DMD: variants seen among roughly 807,000 people sequenced by gnomAD.
DMD encodes mutant dystrophin.
In DMD, 63 loss-of-function variants were observed where a neutral mutation model predicts 330.1. That is an observed-to-expected ratio of 0.19 (90% CI 0.16 to 0.24). The LOEUF is 0.24. Among genes scored for constraint, DMD ranks in the 10% least tolerant of loss-of-function variants. The pLI is 1.00. For synonymous variants in DMD, 1,223 were observed against 959.8 expected (o/e 1.27, Z -5.07); for missense variants, 3,344 against 2,684.1 (o/e 1.25, Z -5.43).
chrX:32,287,590 C>A lies in DMD; in HGVS notation c.6229G>T (p.Ala2077Ser), dbSNP rs769860404. ...TPVERVKLQE[A>S]LSQLDFQWEK... Reference sequence around the variant, plus strand: ...CATTGGAAATCAAGCTGGGAGAGAGCTTCCTGTAGCTTCACCCTTTCCACA... The same window carrying A: ...CATTGGAAATCAAGCTGGGAGAGAGATTCCTGTAGCTTCACCCTTTCCACA... Residue 2077 changes from alanine to serine, a missense_variant, in exon 43 of 79, where the codon GCT (alanine) becomes TCT (serine). By Grantham distance (99) the Ala-to-Ser change is moderately conservative. Transcript: ENST00000357033. 1.7e-6 allele frequency: 2 copies of A among 1,208,708 alleles called. No individual in the cohort carries two copies. The highest frequency in any genetic ancestry group is 2.2e-6 in the Non-Finnish European group (2 of 894,511).
intron 64 of DMD, among the ~76,000 whole-genome samples, chrX:31,220,590 A>T (rs2045903257): frequency 9.0e-6 from 1 of 111,077 alleles, no homozygotes; most frequent in Admixed American, 9.6e-5. Context: ...TGTCCTAAAT[A>T]ACTTCCCTTC....
At chrX:31,876,897 A>G (rs1327440259) in intron 47 of DMD, among the ~76,000 whole-genome samples, 1 of 111,083 alleles carries the variant, frequency 9.0e-6, no homozygotes, top group Non-Finnish European at 1.9e-5. Context: ...TATGAATAAA[A>G]TTTTATAATA....
rs1431223068 is a variant in DMD at position 32,463,451 on chromosome X, G to T, written c.3420C>A (p.His1140Gln). 8.3e-7 allele frequency: 1 copy of T among 1,206,057 alleles called. No individual in the cohort carries two copies. The highest frequency in any genetic ancestry group is 1.1e-6 in the Non-Finnish European group (1 of 893,272). ...ELKELNTQWD[H>Q]MCQQVYARKE... The stretch of plus-strand genomic sequence containing the variant: ...AGATTGTCTATACCTGTTGGCACAT[G>T]TGATCCCACTGAGTGTTAAGTTCTT... The change falls in exon 25 of 79, where the codon CAC becomes CAA. Residue 1140 changes from histidine (H) to glutamine (Q), a missense_variant. Coordinates refer to ENST00000357033, the MANE Select transcript of DMD (RefSeq NM_004006.3).
At chrX:32,122,987 A>G (rs2096643484) in intron 44 of DMD, among the ~76,000 whole-genome samples, 1 of 107,792 alleles carries the variant, frequency 9.3e-6, no homozygotes, top group African/African-American at 3.4e-5. Context: ...AACAAATGAC[A>G]CCTACATGGA....
At chrX:32,682,508 T>A (rs1180883570) in intron 9 of DMD, among the ~76,000 whole-genome samples, 1 of 111,731 alleles carries the variant, frequency 9.0e-6, no homozygotes, top group Non-Finnish European at 1.9e-5. Flanking sequence ...AGTATTCAAA[T>A]ATCACATATT....
chrX:32,837,782 TG>T lies in DMD; in HGVS notation c.264+7000del, dbSNP rs757096655. ...CTTTTGCCCTATGAAAGACACCATG[TG>T]GATCTACTGAGCTCTGGCCATTCCA... On this transcript the variant is annotated intron_variant, in intron 4 of 78. Transcript: ENST00000357033. Among the ~76,000 whole-genome samples, 21 of 112,231 alleles carry T rather than the reference TG, an allele frequency of 1.9e-4. 1 individual carries two copies. The highest frequency in any genetic ancestry group is 4.7e-3 in the Middle Eastern group (1 of 215).
intron 1 of DMD, among the ~76,000 whole-genome samples, chrX:33,283,178 C>T (rs975029223): frequency 1.8e-5 from 2 of 112,219 alleles, no homozygotes; most frequent in South Asian, 3.6e-4. Flanking sequence ...TACCATGCTG[C>T]GTGTAGAGTA....
intron 55 of DMD, among the ~76,000 whole-genome samples, chrX:31,569,647 T>C (rs757051606): frequency 1.0e-3 from 92 of 89,303 alleles, no homozygotes; most frequent in East Asian, 4.1e-3. Context: ...TATATGTATA[T>C]ACGTATATAT....
chrX:33,018,278 C>A (rs1353391236), intron 2 of DMD, among the ~76,000 whole-genome samples: 1 of 111,394 alleles, frequency 9.0e-6, no homozygotes, highest in Admixed American at 9.6e-5. Flanking sequence ...TTAGGGAGAA[C>A]ATTTGTAATA....
At chrX:32,210,143 A>T (rs1257171989) in intron 44 of DMD, among the ~76,000 whole-genome samples, 2 of 111,995 alleles carry the variant, frequency 1.8e-5, no homozygotes, top group Admixed American at 1.9e-4. Flanking sequence ...CCAGCTAATA[A>T]CTTTGAAAAG....
At chrX:32,312,014 G>A (rs5972519) in intron 41 of DMD, among the ~76,000 whole-genome samples, 1,950 of 111,484 alleles carry the variant, frequency 0.017, 44 homozygotes, top group African/African-American at 0.058. Context: ...TAAAGCAAGC[G>A]TATTTCTTAT....
rs968024700 is a variant in DMD, at chrX:31,409,947, T to C, written c.9084+34534A>G. ...GATTGTCCTGCCTCAGCCTCCCGAG[T>C]AGCTGGGATTACAGGCGCCCGCCAC... is the stretch of plus-strand genomic sequence containing the variant. On this transcript the variant is annotated intron_variant, in intron 60 of 78. Transcript: ENST00000357033. Among the ~76,000 whole-genome samples, 4 of 110,696 alleles carry C rather than the reference T, an allele frequency of 3.6e-5. No individual in the cohort carries two copies. In the Admixed American group the frequency reaches 3.8e-4, roughly 11 times the overall value.
At chrX:32,768,152 CAAAAG>C (rs1368107235) in intron 7 of DMD, among the ~76,000 whole-genome samples, 1 of 111,346 alleles carries the variant, frequency 9.0e-6, no homozygotes, top group Non-Finnish European at 1.9e-5. Flanking sequence ...TTATAACACA[CAAAAG>C]AAAAATATGT....
chrX:31,166,071 C>T (rs759892463), intron 74 of DMD, among the ~76,000 whole-genome samples: 1 of 111,990 alleles, frequency 8.9e-6, no homozygotes, highest in East Asian at 2.8e-4. Context: ...CTTTGAAAGG[C>T]TTTTCTCTAC....
intron 47 of DMD, among the ~76,000 whole-genome samples, chrX:31,889,147 A>T (rs2094197878): frequency 8.9e-6 from 1 of 112,100 alleles, no homozygotes; most frequent in African/African-American, 3.2e-5. Flanking sequence ...AGTCAGTAAA[A>T]TTTGATGTAC....
chrX:32,778,327 G>A (rs2074378137), intron 7 of DMD, among the ~76,000 whole-genome samples: 2 of 109,066 alleles, frequency 1.8e-5, no homozygotes, highest in Non-Finnish European at 1.9e-5. Context: ...TTCAAGTCCC[G>A]AACCCTATAG....
chrX:32,118,148 T>A (rs1211121490), intron 44 of DMD, among the ~76,000 whole-genome samples: 1 of 111,686 alleles, frequency 9.0e-6, no homozygotes, highest in East Asian at 2.8e-4. Flanking sequence ...TATTATTTTA[T>A]TGGCCTGTGA....
intron 17 of DMD, among the ~76,000 whole-genome samples, chrX:32,529,281 G>A (rs767552772): frequency 2.1e-4 from 22 of 105,534 alleles, no homozygotes; most frequent in Non-Finnish European, 3.7e-4. Flanking sequence ...CCTAAAATGT[G>A]TAAAACCAAG....
intron 7 of DMD, among the ~76,000 whole-genome samples, chrX:32,777,398 G>C (rs924308139): frequency 1.9e-5 from 2 of 107,334 alleles, no homozygotes; most frequent in East Asian, 6.0e-4. Context: ...CATATTTTAA[G>C]CAAGTATGGA....
Sources: gnomAD v4.1 joint callset for allele counts (sites outside exome capture counted in the v4.1 genomes callset) on GRCh38, gnomAD v4.1.1 for gene constraint, MANE v1.5 for transcripts, NCBI Gene and HGNC (gene_info 2026-07-23, HGNC 2026-07-21) for gene names.